ZDHHC5: variants seen among roughly 807,000 people sequenced by gnomAD.
ZDHHC5 encodes the protein palmitoyltransferase ZDHHC5.
ZDHHC5 carries 22 observed loss-of-function variants against 70.0 expected under a neutral mutation model. The ratio of observed to expected loss-of-function variants is 0.31; its 90% CI spans 0.22 to 0.45. The LOEUF (loss-of-function observed/expected upper bound fraction) is 0.45. ZDHHC5 is among the 20% of genes least tolerant of loss of function. ZDHHC5 has a pLI of 1.00. For synonymous variants in ZDHHC5, 313 were observed against 347.8 expected (o/e 0.90, Z 1.11); for missense variants, 746 against 926.9 (o/e 0.80, Z 2.53).
Position 57,688,584 on chromosome 11 carries a change from G to A in ZDHHC5, c.303G>A (p.Val101=). 6.2e-7 allele frequency: 1 copy of A among 1,610,776 alleles called. No individual in the cohort carries two copies. The highest frequency in any genetic ancestry group is 8.5e-7 in the Non-Finnish European group (1 of 1,178,672). ...CAGTGGAGATAAAGGGCATCCAGGT[G>A]CGCATGAAATGGTGTGCCACCTGCC... is the stretch of plus-strand genomic sequence containing the variant. ...YKTVEIKGIQ[V]RMKWCATCRF... is the part of the protein sequence containing the mutation. The change falls in exon 4 of 12, where the codon GTG becomes GTA. Residue 101 remains valine, a synonymous_variant. Coordinates refer to ENST00000287169, the MANE Select transcript of ZDHHC5 (RefSeq NM_015457.3).
intron 2 of ZDHHC5, among the ~76,000 whole-genome samples, chr11:57,674,717 A>C (rs1459070504): frequency 6.6e-6 from 1 of 152,210 alleles, no homozygotes; most frequent in Non-Finnish European, 1.5e-5. Context: ...ATTCTGAAAA[A>C]TGTGGGTCAC....
At chr11:57,693,414 C>T (rs983918964) in intron 7 of ZDHHC5, among the ~76,000 whole-genome samples, 1 of 152,152 alleles carries the variant, frequency 6.6e-6, no homozygotes, top group African/African-American at 2.4e-5. Context: ...TGCTATGTGG[C>T]CCAGTTCCTA....
chr11:57,697,456 G>A (rs1456716254), intron 10 of ZDHHC5, among the ~76,000 whole-genome samples: 4 of 149,304 alleles, frequency 2.7e-5, no homozygotes, highest in East Asian at 2.0e-4. Flanking sequence ...GAGCGAGACC[G>A]CATCTCAAAA....
intron 2 of ZDHHC5, among the ~76,000 whole-genome samples, chr11:57,680,250 A>G (rs1438493659): frequency 1.3e-5 from 2 of 152,090 alleles, no homozygotes; most frequent in Non-Finnish European, 2.9e-5. Flanking sequence ...GGTGGTGTGC[A>G]TCTGTAGTCC....
intron 9 of ZDHHC5, 105 bp from the exon 10 acceptor site, chr11:57,696,656 A>G (rs1005366728): frequency 2.2e-5 from 22 of 983,256 alleles, no homozygotes; most frequent in Non-Finnish European, 3.0e-5. Context: ...CCAGTGAGCT[A>G]TAATCGTGCC....
At chr11:57,696,622 G>C in intron 9 of ZDHHC5, 139 bp from the exon 10 acceptor site, 1 of 699,152 alleles carries the variant, frequency 1.4e-6, no homozygotes, top group South Asian at 1.7e-5. Context: ...GGAGGCTGAG[G>C]TGGGAGCCCA....
intron 3 of ZDHHC5, among the ~76,000 whole-genome samples, chr11:57,682,747 T>G (rs1293948431): frequency 1.3e-5 from 2 of 152,184 alleles, no homozygotes; most frequent in African/African-American, 2.4e-5. Context: ...GAAAATCAGG[T>G]CAGGGTCTTT....
At chr11:57,674,823 A>G (rs1412536601) in intron 2 of ZDHHC5, among the ~76,000 whole-genome samples, 1 of 152,240 alleles carries the variant, frequency 6.6e-6, no homozygotes, top group East Asian at 1.9e-4. Flanking sequence ...ACACCATCCT[A>G]CTTCTCACCT....
rs150939591 is a variant in ZDHHC5 at position 57,682,113 on chromosome 11, A to G, written c.105-309A>G. On this transcript the variant is annotated intron_variant, in intron 2 of 11. Coordinates refer to ENST00000287169, the MANE Select transcript of ZDHHC5 (RefSeq NM_015457.3). ...GTTCTCATGTCTGGTTAGAAAGGAG[A>G]TAAGGACAGATCTCAAAACATGTGG... Among the ~76,000 whole-genome samples, 277 of 152,320 alleles carry G rather than the reference A, an allele frequency of 1.8e-3. 1 individual carries two copies. The highest frequency in any genetic ancestry group is 3.3e-3 in the Non-Finnish European group (224 of 68,030).
At position 57,689,989 on chromosome 11, in the gene ZDHHC5, A is replaced by G. The variant is rs368188549; in HGVS notation, c.385-42A>G. The G allele has an allele frequency of 3.6e-5, 58 of 1,592,244 alleles. 1 individual carries two copies. Among genetic ancestry groups the G allele is most frequent in the South Asian group, 1.1e-4 (10 of 88,966 alleles). ...TTCTTGACAGAAGTAATTTAATGCT[A>G]TGGTCCAGGGATGCCTCTCATCTGT... On this transcript the variant is annotated intron_variant, in intron 4 of 11. Transcript: ENST00000287169.
Position 57,698,866 on chromosome 11 carries a change from C to T in ZDHHC5, c.1430C>T (p.Ser477Leu). 1 of 1,614,234 alleles carries T rather than the reference C, an allele frequency of 6.2e-7. No homozygotes were observed. Among genetic ancestry groups the T allele is most frequent in the South Asian group, 1.1e-5 (1 of 91,084 alleles). The change falls in exon 11 of 12, where the codon TCA becomes TTA. Residue 477 changes from serine (S) to leucine (L), a missense_variant. By Grantham distance (145) the Ser-to-Leu change is moderately radical. This residue lies in a region of ZDHHC5 where 340 missense variants were observed against 350.1 expected (regional missense o/e 0.97). Coordinates refer to ENST00000287169, the MANE Select transcript of ZDHHC5 (RefSeq NM_015457.3). ...SLSYDSLLTP[S>L]DSPDFESVQA... is the part of the protein sequence containing the mutation. ...TCTTATGACAGCTTGCTCACACCTT[C>T]AGACAGCCCTGATTTTGAGTCAGTG... is the stretch of plus-strand genomic sequence containing the variant.
Position 57,690,457 on chromosome 11 carries a change from G to A in ZDHHC5, c.660+20G>A, listed in dbSNP as rs1946268485. The A allele has an allele frequency of 6.2e-7, 1 of 1,613,238 alleles. No homozygotes were observed. The highest frequency in any genetic ancestry group is 1.3e-5 in the African/African-American group (1 of 74,904). ...GAACAGGTATGGAGAAAAGTGACGA[G>A]AGACCCCTGAAGAGCAGGTCATGTC... On this transcript the variant is annotated intron_variant, in intron 6 of 11. Coordinates refer to ENST00000287169, the MANE Select transcript of ZDHHC5 (RefSeq NM_015457.3).
intron 2 of ZDHHC5, among the ~76,000 whole-genome samples, chr11:57,682,075 TAGTC>T (rs2135386973): frequency 6.6e-6 from 1 of 152,304 alleles, no homozygotes; most frequent in South Asian, 2.1e-4. Context: ...GCTGATATCA[TAGTC>T]AGTACCTGGT....
chr11:57,674,653 CTGAGG>C (rs1946048466), intron 2 of ZDHHC5, among the ~76,000 whole-genome samples: 1 of 152,104 alleles, frequency 6.6e-6, no homozygotes, highest in Non-Finnish European at 1.5e-5. Flanking sequence ...CAAGTTAAAT[CTGAGG>C]TAGGAGGGAA....
At chr11:57,668,664 C>T (rs900162212) in intron 1 of ZDHHC5, 3 of 152,500 alleles carry the variant, frequency 2.0e-5, no homozygotes, top group Non-Finnish European at 2.9e-5. Context: ...CTCTGCGGTT[C>T]GAGTCCCTCG....
At chr11:57,692,799 A>G (rs1213241646) in intron 7 of ZDHHC5, 97 bp downstream of exon 7, 1 of 1,227,738 alleles carries the variant, frequency 8.1e-7, no homozygotes, top group African/African-American at 1.5e-5. Context: ...GAGAGCCTTT[A>G]GGAAGGGTTC....
intron 9 of ZDHHC5, among the ~76,000 whole-genome samples, chr11:57,696,371 A>G (rs563325490): frequency 2.0e-5 from 3 of 152,300 alleles, no homozygotes; most frequent in Admixed American, 6.5e-5. Flanking sequence ...GGGTATATCT[A>G]TTCCTACCTT....
chr11:57,695,257 A>G lies in ZDHHC5; in HGVS notation c.886-663A>G, dbSNP rs1027906074. Among the ~76,000 whole-genome samples, 7 of 151,870 alleles carry G rather than the reference A, an allele frequency of 4.6e-5. No individual in the cohort carries two copies. In the East Asian group the frequency reaches 9.7e-4, roughly 21 times the overall value. On this transcript the variant is annotated intron_variant, in intron 8 of 11. Transcript: ENST00000287169. Reference sequence around the variant, plus strand: ...GCCTGGGCAACAAGACCGAAACTCCATCTCAAAAAAAAATTAGCCAGGTGT... The same window carrying G: ...GCCTGGGCAACAAGACCGAAACTCCGTCTCAAAAAAAAATTAGCCAGGTGT...
At position 57,701,174 on chromosome 11, in the gene ZDHHC5, C is replaced by G. The variant is rs1946438767; in HGVS notation, c.*1143C>G. The G allele has an allele frequency of 6.6e-6, 1 of 152,594 alleles. No homozygotes were observed. Among genetic ancestry groups the G allele is most frequent in the Non-Finnish European group, 1.5e-5 (1 of 68,034 alleles). The allele number at this position is 152,594 out of a possible 1,614,324, so 9.5% of individuals were successfully genotyped here. On this transcript the variant is annotated 3_prime_UTR_variant, in exon 12 of 12. Coordinates refer to ENST00000287169, the MANE Select transcript of ZDHHC5 (RefSeq NM_015457.3). ...AACCAACGAGGAATAAAAAGAAATCCTGATCTAACCAGCGCCCCCTGACTT... is the reference window on the plus strand; with the variant it reads ...AACCAACGAGGAATAAAAAGAAATCGTGATCTAACCAGCGCCCCCTGACTT...
Sources: gnomAD v4.1 joint callset for allele counts (sites outside exome capture counted in the v4.1 genomes callset) on GRCh38, gnomAD v4.1.1 for gene constraint, gnomAD v4.1.1 regional missense constraint, MANE v1.5 for transcripts, NCBI Gene and HGNC (gene_info 2026-07-23, HGNC 2026-07-21) for gene names.